Variants in GPC6 observed in about 807,000 individuals in gnomAD.
GPC6 encodes the protein glypican 6.
Under a neutral mutation model 55.2 loss-of-function variants are expected in GPC6, and 14 were observed. The observed-to-expected ratio is 0.25, with a 90% CI of 0.17 to 0.40. The LOEUF (loss-of-function observed/expected upper bound fraction) is 0.40. GPC6 is among the 10% of genes least tolerant of loss of function. GPC6 has a pLI of 1.00. For missense variants in GPC6, 641 were observed against 708.5 expected (o/e 0.90, Z 1.08); for synonymous variants, 278 against 259.6 (o/e 1.07, Z -0.68).
intron 1 of GPC6, among the ~76,000 whole-genome samples, chr13:93,235,933 C>G (rs983422932): frequency 1.3e-5 from 2 of 152,158 alleles, no homozygotes; most frequent in Non-Finnish European, 1.5e-5. Flanking sequence ...GATCCTTGTT[C>G]CACCAGATCA....
At chr13:94,307,972 G>C (rs75261321) in intron 6 of GPC6, among the ~76,000 whole-genome samples, 2,034 of 152,180 alleles carry the variant, frequency 0.013, 54 homozygotes, top group African/African-American at 0.047. Context: ...CATTGTGCCT[G>C]CAGCTAACAA....
intron 1 of GPC6, among the ~76,000 whole-genome samples, chr13:93,375,220 C>T (rs114946476): frequency 0.018 from 2,697 of 152,234 alleles, 73 homozygotes; most frequent in African/African-American, 0.062. Flanking sequence ...ATTTTTGGAA[C>T]TCATAAGACC....
intron 4 of GPC6, among the ~76,000 whole-genome samples, chr13:94,101,858 T>A (rs1885874877): frequency 6.6e-6 from 1 of 152,062 alleles, no homozygotes; most frequent in Non-Finnish European, 1.5e-5. Context: ...ATAGAAAGTT[T>A]ATGGAAAGAC....
intron 1 of GPC6, among the ~76,000 whole-genome samples, chr13:93,393,459 T>G (rs1206627588): frequency 6.6e-6 from 1 of 152,052 alleles, no homozygotes. Context: ...TGCTATAATT[T>G]TGTGACCCGT....
intron 4 of GPC6, among the ~76,000 whole-genome samples, chr13:94,142,765 T>C (rs1593980338): frequency 6.6e-6 from 1 of 152,008 alleles, no homozygotes; most frequent in African/African-American, 2.4e-5. Flanking sequence ...ACTTGATGTA[T>C]ATTCCCAAAA....
At chr13:94,401,951 TA>T (rs1566762522) in intron 8 of GPC6, among the ~76,000 whole-genome samples, 2,562 of 151,394 alleles carry the variant, frequency 0.017, 70 homozygotes, top group African/African-American at 0.056. Context: ...GATTGATAGA[TA>T]GATAGATAGA....
intron 1 of GPC6, among the ~76,000 whole-genome samples, chr13:93,259,410 GT>G (rs1877061828): frequency 6.6e-6 from 1 of 152,152 alleles, no homozygotes; most frequent in Admixed American, 6.5e-5. Flanking sequence ...TCAGATTTAT[GT>G]AGAAGCTTCC....
intron 4 of GPC6, among the ~76,000 whole-genome samples, chr13:94,281,252 A>C (rs1892371348): frequency 6.6e-6 from 1 of 152,168 alleles, no homozygotes; most frequent in Admixed American, 6.5e-5. Flanking sequence ...ATGTAGGTAT[A>C]CATGTGCCAT....
At chr13:93,861,274 A>G (rs1888801913) in intron 3 of GPC6, among the ~76,000 whole-genome samples, 1 of 151,530 alleles carries the variant, frequency 6.6e-6, no homozygotes, top group Non-Finnish European at 1.5e-5. Context: ...TTGAGCACCT[A>G]TTTTATGCCA....
intron 1 of GPC6, among the ~76,000 whole-genome samples, chr13:93,423,250 C>T (rs893771141): frequency 5.3e-5 from 8 of 152,104 alleles, no homozygotes; most frequent in African/African-American, 1.4e-4. Context: ...GAATGTCTTC[C>T]GATCAGGCCA....
intron 1 of GPC6, among the ~76,000 whole-genome samples, chr13:93,320,586 T>C (rs2139121910): frequency 6.6e-6 from 1 of 151,682 alleles, no homozygotes; most frequent in Non-Finnish European, 1.5e-5. Context: ...CTTTCGCAAA[T>C]AGTGATAACC....
chr13:93,382,448 T>C (rs1347273177), intron 1 of GPC6, among the ~76,000 whole-genome samples: 1 of 152,190 alleles, frequency 6.6e-6, no homozygotes, highest in Non-Finnish European at 1.5e-5. Flanking sequence ...TGTAGACTTT[T>C]TCTCCACTTT....
chr13:94,156,718 T>A (rs1386909680), intron 4 of GPC6, among the ~76,000 whole-genome samples: 1 of 152,174 alleles, frequency 6.6e-6, no homozygotes, highest in East Asian at 1.9e-4. Flanking sequence ...GTGTGCCTAT[T>A]TATATTCAGA....
At chr13:93,773,076 A>C (rs532543048) in intron 2 of GPC6, among the ~76,000 whole-genome samples, 1 of 152,294 alleles carries the variant, frequency 6.6e-6, no homozygotes, top group Admixed American at 6.5e-5. Flanking sequence ...CAAGGAAGGC[A>C]CTTCTGTTAA....
intron 2 of GPC6, among the ~76,000 whole-genome samples, chr13:93,627,082 GCCATGGTAGTTTGCCGCAC>G (rs1430067459): frequency 6.6e-6 from 1 of 151,952 alleles, no homozygotes; most frequent in Non-Finnish European, 1.5e-5. Flanking sequence ...GTATACACAT[GCCATGGTAGTTTGCCGCAC>G]CCATCAACCC....
chr13:94,293,500 A>G (rs780405910), intron 5 of GPC6, among the ~76,000 whole-genome samples: 1 of 152,196 alleles, frequency 6.6e-6, no homozygotes, highest in African/African-American at 2.4e-5. Context: ...GCCATGGGGA[A>G]CTGTGAGTCA....
intron 1 of GPC6, among the ~76,000 whole-genome samples, chr13:93,494,216 G>A (rs1486203041): frequency 5.5e-5 from 7 of 127,464 alleles, no homozygotes; most frequent in Non-Finnish European, 8.3e-5. Context: ...CCTGTATTGG[G>A]TGCATATATA....
At chr13:93,242,604 G>A (rs549086782) in intron 1 of GPC6, among the ~76,000 whole-genome samples, 2 of 152,278 alleles carry the variant, frequency 1.3e-5, no homozygotes, top group Non-Finnish European at 2.9e-5. Context: ...CACTTCATGA[G>A]TACTGGGGCT....
chr13:93,261,902 C>T (rs1438575014), intron 1 of GPC6, among the ~76,000 whole-genome samples: 1 of 150,398 alleles, frequency 6.6e-6, no homozygotes, highest in Admixed American at 6.7e-5. Context: ...GCATTATTCA[C>T]ATTTATCTCC....
Sources: gnomAD v4.1 joint callset for allele counts (sites outside exome capture counted in the v4.1 genomes callset) on GRCh38, gnomAD v4.1.1 for gene constraint, MANE v1.5 for transcripts, NCBI Gene and HGNC (gene_info 2026-07-23, HGNC 2026-07-21) for gene names.